The following HERC2 variants were observed in gnomAD, a reference collection of about 807,000 sequenced individuals.
HERC2 encodes HECT and RLD domain containing E3 ubiquitin protein ligase 2, also known as E3 ubiquitin-protein ligase HERC2.
HERC2 carries 102 observed loss-of-function variants against 537.7 expected under a neutral mutation model. That is an observed-to-expected ratio of 0.19 (90% CI 0.16 to 0.22). The LOEUF (loss-of-function observed/expected upper bound fraction) is 0.22, where lower values mean the gene tolerates loss of function less well. Ranked by LOEUF, HERC2 falls within the 10% of genes least tolerant of loss-of-function variation. HERC2 has a pLI of 1.00. For synonymous variants in HERC2, 2,224 were observed against 2,466.2 expected (o/e 0.90, Z 2.91); for missense variants, 4,236 against 6,198.2 (o/e 0.68, Z 10.63).
At position 28,268,336 on chromosome 15, in the gene HERC2, C is replaced by T. The variant is rs2075626174; in HGVS notation, c.1598+129G>A. 1.2e-6 allele frequency: 1 copy of T among 809,172 alleles called. No individual in the cohort carries two copies. The highest frequency in any genetic ancestry group is 2.5e-5 in the Admixed American group (1 of 39,496). 50.1% of individuals were successfully genotyped at this position (809,172 alleles called of 1,614,324 possible). ...CAAGGAGGAGGCATATCGTAGTGTC[C>T]TGCTCCATCCCAGCGCTACATGTCA... On this transcript the variant is annotated intron_variant, in intron 12 of 92. Transcript: ENST00000261609. The surrounding 1 kb of genome is among the most constrained non-coding windows in gnomAD (Gnocchi z 4.7).
intron 45 of HERC2, among the ~76,000 whole-genome samples, chr15:28,204,577 G>A (rs1269313143): frequency 1.4e-5 from 2 of 146,788 alleles, no homozygotes; most frequent in Non-Finnish European, 3.0e-5. Context: ...CTGAGATCAC[G>A]CCACTGCACT....
chr15:28,226,267 A>G (rs952279748), intron 35 of HERC2, among the ~76,000 whole-genome samples: 22 of 152,312 alleles, frequency 1.4e-4, no homozygotes, highest in African/African-American at 5.1e-4. Context: ...TTTTGCAGAT[A>G]TGGAAAAGCC....
intron 84 of HERC2, among the ~76,000 whole-genome samples, chr15:28,124,477 CAGTTTGGTGTGGAAG>C (rs1005529556): frequency 9.2e-5 from 14 of 152,188 alleles, no homozygotes; most frequent in African/African-American, 2.4e-4. Flanking sequence ...ACTAGCAGAA[CAGTTTGGTGTGGAAG>C]AGTTTGGTGT....
chr15:28,179,316 TAC>T lies in HERC2; in HGVS notation c.8938-95_8938-94del, dbSNP rs1338671864. The stretch of plus-strand genomic sequence containing the variant: ...TACCTTATTATATGATACAAGGAAT[TAC>T]AGTTATGCACTGTGTAACATTTCAC... On this transcript the variant is annotated intron_variant, in intron 57 of 92. Coordinates refer to ENST00000261609, the MANE Select transcript of HERC2 (RefSeq NM_004667.6). 34 of 948,958 alleles carry T rather than the reference TAC, an allele frequency of 3.6e-5. No individual in the cohort carries two copies. The African/African-American group carries it at 4.2e-4, about 12-fold the overall frequency. The allele number at this position is 948,958 out of a possible 1,614,324, so 58.8% of individuals were successfully genotyped here.
At chr15:28,153,290 T>C (rs549205739) in intron 69 of HERC2, among the ~76,000 whole-genome samples, 1 of 151,286 alleles carries the variant, frequency 6.6e-6, no homozygotes, top group African/African-American at 2.4e-5. Context: ...GAGGCAGAGG[T>C]TGCGGTGAGC....
At chr15:28,281,497 TC>T (rs2076018721) in intron 4 of HERC2, among the ~76,000 whole-genome samples, 2 of 151,958 alleles carry the variant, frequency 1.3e-5, no homozygotes, top group African/African-American at 4.8e-5. Flanking sequence ...ACTGGCTGCC[TC>T]CCCTTGTGCA....
intron 6 of HERC2, 66 bp downstream of exon 6, chr15:28,274,839 G>C (rs898284777): frequency 7.9e-7 from 1 of 1,270,570 alleles, no homozygotes; most frequent in Non-Finnish European, 1.1e-6. Flanking sequence ...TGGCTGAACC[G>C]AGTTCGAAAC....
Position 28,111,757 on chromosome 15 carries a change from C to T in HERC2, c.*6G>A, listed in dbSNP as rs780047919. On this transcript the variant is annotated 3_prime_UTR_variant, in exon 93 of 93. Coordinates refer to ENST00000261609, the MANE Select transcript of HERC2 (RefSeq NM_004667.6). ...GGCTCTCATCTCACGAGGACGTTTCCCCATCTTAGTGTCCTGTTAAATAAT... is the reference window on the plus strand; with the variant it reads ...GGCTCTCATCTCACGAGGACGTTTCTCCATCTTAGTGTCCTGTTAAATAAT... 1 of 1,611,928 alleles carries T rather than the reference C, an allele frequency of 6.2e-7. No individual in the cohort carries two copies. The highest frequency in any genetic ancestry group is 1.1e-5 in the South Asian group (1 of 91,076).
chr15:28,261,421 A>G (rs1297230189), intron 15 of HERC2, among the ~76,000 whole-genome samples: 1 of 152,208 alleles, frequency 6.6e-6, no homozygotes, highest in Non-Finnish European at 1.5e-5. Flanking sequence ...TTAAACACTT[A>G]GCAAAATATT....
At chr15:28,277,184 G>A (rs1244549692) in intron 5 of HERC2, among the ~76,000 whole-genome samples, 3 of 152,192 alleles carry the variant, frequency 2.0e-5, no homozygotes, top group African/African-American at 7.2e-5. Context: ...AAGGTGGGGA[G>A]AGAAGACGTG....
chr15:28,274,721 T>A (rs1567104275), intron 6 of HERC2, among the ~76,000 whole-genome samples, 184 bp downstream of exon 6: 1 of 152,176 alleles, frequency 6.6e-6, no homozygotes, highest in Non-Finnish European at 1.5e-5. Context: ...CTCTTTTTTT[T>A]CTTTAAAGCA....
At chr15:28,112,963 G>A (rs1313437337) in intron 92 of HERC2, 108 bp downstream of exon 92, 1 of 808,190 alleles carries the variant, frequency 1.2e-6, no homozygotes, top group Non-Finnish European at 1.9e-6. Flanking sequence ...TTTCTGTAAA[G>A]ACTCAAGAGG....
At chr15:28,175,399 A>T in intron 64 of HERC2, 113 bp downstream of exon 64, 1 of 1,022,722 alleles carries the variant, frequency 9.8e-7, no homozygotes. Context: ...AAGCAGTAAG[A>T]CTCAGCTGAT....
chr15:28,150,328 G>GA (rs1206539601), intron 70 of HERC2, among the ~76,000 whole-genome samples: 1 of 145,276 alleles, frequency 6.9e-6, no homozygotes, highest in Non-Finnish European at 1.5e-5. Flanking sequence ...TAAAATTACT[G>GA]AAAAAACACG....
chr15:28,141,186 C>T (rs1415158909), intron 78 of HERC2, among the ~76,000 whole-genome samples: 1 of 151,472 alleles, frequency 6.6e-6, no homozygotes, highest in Non-Finnish European at 1.5e-5. Context: ...TGCAGTGAGC[C>T]GAGACCACGC....
intron 26 of HERC2, 152 bp downstream of exon 26, chr15:28,236,811 C>T: frequency 1.7e-6 from 1 of 589,442 alleles, no homozygotes; most frequent in East Asian, 3.1e-5. Context: ...TGGTCTCAAA[C>T]TCTTGACCTC....
At chr15:28,309,162 T>G (rs763387548) in intron 2 of HERC2, among the ~76,000 whole-genome samples, 1 of 152,260 alleles carries the variant, frequency 6.6e-6, no homozygotes, top group South Asian at 2.1e-4. Context: ...TCTAGAAATA[T>G]CTACTAAATC....
At chr15:28,194,135 G>A (rs866938167) in intron 52 of HERC2, among the ~76,000 whole-genome samples, 134 of 149,842 alleles carry the variant, frequency 8.9e-4, no homozygotes, top group African/African-American at 2.9e-3. Context: ...GCACGATCTC[G>A]GCTCACTGCA....
At chr15:28,198,543 T>C (rs760427360) in intron 49 of HERC2, 40 bp from the exon 50 acceptor site, 12 of 1,609,840 alleles carry the variant, frequency 7.5e-6, no homozygotes, top group African/African-American at 1.3e-5. Flanking sequence ...TCAATATTCA[T>C]TTAAGGGAAT....
Sources: allele counts gnomAD v4.1 joint callset (sites outside exome capture counted in the v4.1 genomes callset), GRCh38; gene constraint gnomAD v4.1.1; non-coding constraint Gnocchi (gnomAD v3.1); transcripts MANE v1.5; gene names NCBI Gene and HGNC (gene_info 2026-07-23, HGNC 2026-07-21).